The following INSL6 variants were observed in gnomAD, a reference collection of about 807,000 sequenced individuals.
INSL6 encodes insulin-like peptide INSL6.
In INSL6, 16 loss-of-function variants were observed where a neutral mutation model predicts 9.4. That is an observed-to-expected ratio of 1.70 (90% CI 1.15 to 2.59). INSL6 has a LOEUF of 2.59. Among genes scored for constraint, INSL6 ranks in the 30% most tolerant of loss-of-function variants. The probability of loss-of-function intolerance (pLI) is 0.00; values close to 1 mark genes in which losing one functional copy is unlikely to be tolerated. For synonymous variants in INSL6, 154 were observed against 96.9 expected, an observed-to-expected ratio of 1.59 and a Z score of -3.46; for missense variants, 391 against 257.3, an observed-to-expected ratio of 1.52 and a Z score of -3.56.
the INSL6 span, among the ~76,000 whole-genome samples, chr9:5,042,993 G>T: frequency 2.6e-5 from 4 of 152,230 alleles, no homozygotes; most frequent in Non-Finnish European, 4.4e-5. Context: ...TGAGGGGGGT[G>T]GGCCGGCTGG....
At chr9:5,114,298 C>G in the INSL6 span, 1 of 543,246 alleles carries the variant, frequency 1.8e-6, no homozygotes, top group Non-Finnish European at 3.6e-6. Flanking sequence ...GTGAAGCTGA[C>G]TTGGTCCCAG....
At chr9:5,107,803 A>T in the INSL6 span, 1 of 152,128 alleles carries the variant, frequency 6.6e-6, no homozygotes, top group South Asian at 2.1e-4. Flanking sequence ...TTACTCTAGC[A>T]TCTATAATAC....
the INSL6 span, among the ~76,000 whole-genome samples, chr9:4,996,663 C>T: frequency 1.4e-5 from 2 of 144,208 alleles, 1 homozygote; most frequent in East Asian, 3.9e-4. Context: ...CCATTTAGGA[C>T]CCTGTCTTGT....
chr9:5,010,506 A>G, the INSL6 span, among the ~76,000 whole-genome samples: 1 of 152,068 alleles, frequency 6.6e-6, no homozygotes, highest in Admixed American at 6.5e-5. Context: ...TTTTTAGTAC[A>G]GACAGGGTTT....
chr9:5,163,234 C>T (rs369966202), downstream of INSL6, among the ~76,000 whole-genome samples: 24 of 152,238 alleles, frequency 1.6e-4, no homozygotes, highest in East Asian at 4.6e-3. Context: ...CTGATGCTGC[C>T]GATTTGGTAA....
chr9:5,184,035 T>C (rs1454173117), intron 1 of INSL6, among the ~76,000 whole-genome samples: 1 of 152,164 alleles, frequency 6.6e-6, no homozygotes, highest in Non-Finnish European at 1.5e-5. Context: ...AAGGTGAGGT[T>C]TGTATGTGGG....
At chr9:5,102,277 A>T in the INSL6 span, among the ~76,000 whole-genome samples, 1 of 152,196 alleles carries the variant, frequency 6.6e-6, no homozygotes, top group Non-Finnish European at 1.5e-5. Context: ...GATCAAGTGG[A>T]AGAAAGGGTA....
the INSL6 span, among the ~76,000 whole-genome samples, chr9:5,013,343 T>A: frequency 1.3e-5 from 2 of 152,248 alleles, no homozygotes; most frequent in Non-Finnish European, 2.9e-5. Flanking sequence ...TATATCTACT[T>A]GGACTATAAA....
At chr9:5,011,976 T>C in the INSL6 span, among the ~76,000 whole-genome samples, 2 of 152,236 alleles carry the variant, frequency 1.3e-5, no homozygotes, top group South Asian at 4.1e-4. Context: ...CAGGACCAGA[T>C]AGCTGTTGAA....
chr9:5,180,835 T>A (rs1825436263), intron 1 of INSL6, among the ~76,000 whole-genome samples: 1 of 152,210 alleles, frequency 6.6e-6, no homozygotes, highest in South Asian at 2.1e-4. Flanking sequence ...TTTGTCCTGT[T>A]CCCTCAGAAG....
chr9:5,002,194 TCAC>T, the INSL6 span, among the ~76,000 whole-genome samples: 2 of 151,974 alleles, frequency 1.3e-5, no homozygotes, highest in African/African-American at 4.8e-5. Context: ...TATTCTTTCT[TCAC>T]TCTCTGGTTT....
the INSL6 span, among the ~76,000 whole-genome samples, chr9:5,062,632 G>T: frequency 1.3e-5 from 2 of 151,804 alleles, no homozygotes; most frequent in African/African-American, 4.8e-5. Flanking sequence ...AGTTCAAAGG[G>T]TATGAATATT....
At chr9:5,000,222 C>T in the INSL6 span, among the ~76,000 whole-genome samples, 1 of 151,792 alleles carries the variant, frequency 6.6e-6, no homozygotes, top group Non-Finnish European at 1.5e-5. Context: ...TTTATTTCCT[C>T]TATCATTTTT....
chr9:5,081,845 T>A, the INSL6 span: 1 of 1,612,824 alleles, frequency 6.2e-7, no homozygotes, highest in South Asian at 1.1e-5. Context: ...TTGAAATTTC[T>A]ACAGCAACTT....
chr9:5,106,277 G>A, the INSL6 span, among the ~76,000 whole-genome samples: 1 of 152,332 alleles, frequency 6.6e-6, no homozygotes, highest in Admixed American at 6.5e-5. Flanking sequence ...CATTTATGCA[G>A]CCAACAGACA....
At chr9:5,123,176 A>G (rs1418058372), downstream of INSL6, 1 of 1,220,356 alleles carries the variant, frequency 8.2e-7, no homozygotes, top group African/African-American at 1.5e-5. Context: ...TGATTTTTAT[A>G]AATTTATGGG....
At chr9:5,012,949 A>C in the INSL6 span, among the ~76,000 whole-genome samples, 3 of 152,192 alleles carry the variant, frequency 2.0e-5, no homozygotes, top group Non-Finnish European at 4.4e-5. Flanking sequence ...CAGGAGAGAA[A>C]TAATAGCTGT....
intron 1 of INSL6, among the ~76,000 whole-genome samples, chr9:5,167,414 G>A (rs1457793408): frequency 6.6e-6 from 1 of 152,244 alleles, no homozygotes; most frequent in Admixed American, 6.5e-5. Flanking sequence ...TGTGTCTTCA[G>A]TCCACCGTTT....
intron 2 of INSL6, among the ~76,000 whole-genome samples, chr9:5,158,218 G>C (rs1332563329): frequency 6.6e-6 from 1 of 152,084 alleles, no homozygotes; most frequent in East Asian, 1.9e-4. Flanking sequence ...AGCCCAAAAA[G>C]GGCAAATCTA....
Sources: allele counts gnomAD v4.1 joint callset (sites outside exome capture counted in the v4.1 genomes callset), GRCh38; gene constraint gnomAD v4.1.1; transcripts MANE v1.5; gene names NCBI Gene and HGNC (gene_info 2026-07-23, HGNC 2026-07-21).